Variants in ARMC2 observed in about 807,000 individuals in gnomAD.
ARMC2 encodes the protein armadillo repeat containing 2, also known as armadillo repeat-containing protein 2.
A neutral mutation model predicts 90.3 loss-of-function variants in ARMC2; 67 were observed. That is an observed-to-expected ratio of 0.74 (90% CI 0.61 to 0.91). The LOEUF (loss-of-function observed/expected upper bound fraction) is 0.91. ARMC2 is among the 40% of genes least tolerant of loss of function. The pLI, the probability that ARMC2 is intolerant of heterozygous loss-of-function variation, is 0.00. For synonymous variants in ARMC2, 393 were observed against 393.0 expected (o/e 1.00, Z 0.00); for missense variants, 920 against 1,030.9 (o/e 0.89, Z 1.47).
intron 2 of ARMC2, among the ~76,000 whole-genome samples, chr6:108,854,719 G>T (rs963496001): frequency 6.6e-6 from 1 of 152,118 alleles, no homozygotes; most frequent in Non-Finnish European, 1.5e-5. Context: ...GGTTACCATC[G>T]ACGAACATAC....
the ARMC2 span, among the ~76,000 whole-genome samples, chr6:109,048,825 C>T: frequency 6.6e-6 from 1 of 152,174 alleles, no homozygotes; most frequent in African/African-American, 2.4e-5. Context: ...TCTATGTGTT[C>T]CTGCATACCC....
chr6:108,877,662 T>C (rs1273365548), intron 5 of ARMC2, among the ~76,000 whole-genome samples: 1 of 152,206 alleles, frequency 6.6e-6, no homozygotes, highest in Non-Finnish European at 1.5e-5. Context: ...AAAGGAAACA[T>C]TTATCTTGCT....
intron 5 of ARMC2, among the ~76,000 whole-genome samples, chr6:108,888,364 C>T (rs1198132622): frequency 1.3e-5 from 2 of 152,160 alleles, no homozygotes; most frequent in Non-Finnish European, 2.9e-5. Flanking sequence ...TTTACCACAC[C>T]TTTCTACAGA....
At chr6:108,881,924 T>G (rs897628030) in intron 5 of ARMC2, among the ~76,000 whole-genome samples, 6 of 152,150 alleles carry the variant, frequency 3.9e-5, no homozygotes, top group Admixed American at 6.5e-5. Context: ...TATGGATCCT[T>G]ATTCAGCGTT....
the ARMC2 span, among the ~76,000 whole-genome samples, chr6:109,046,963 C>CCTCACTTCTCACTAGGAAGTGAGGAG: frequency 9.1e-6 from 1 of 109,540 alleles, no homozygotes; most frequent in Non-Finnish European, 1.9e-5. Flanking sequence ...GCGTCTCCAC[C>CCTCACTTCTCACTAGGAAGTGAGGAG]CGGCAGCCAC....
At chr6:109,050,293 C>T in the ARMC2 span, among the ~76,000 whole-genome samples, 2 of 151,568 alleles carry the variant, frequency 1.3e-5, no homozygotes, top group Non-Finnish European at 2.9e-5. Context: ...TCTGCAACAG[C>T]GCCATTAAGT....
intron 6 of ARMC2, among the ~76,000 whole-genome samples, chr6:108,896,120 C>T (rs1771591671): frequency 6.6e-6 from 1 of 152,224 alleles, no homozygotes; most frequent in Non-Finnish European, 1.5e-5. Flanking sequence ...CTTAGATATA[C>T]TAATTTCTGA....
chr6:109,047,395 C>A, the ARMC2 span, among the ~76,000 whole-genome samples: 1 of 130,280 alleles, frequency 7.7e-6, no homozygotes, highest in Admixed American at 7.2e-5. Flanking sequence ...AGGTGAGGGG[C>A]GCCTCTGCCC....
At chr6:108,963,900 T>C (rs564456571) in intron 15 of ARMC2, among the ~76,000 whole-genome samples, 2 of 152,206 alleles carry the variant, frequency 1.3e-5, no homozygotes, top group Non-Finnish European at 2.9e-5. Flanking sequence ...GCTCCCTCCT[T>C]TCCACCAGCT....
rs1384507962 is a variant in ARMC2, at chr6:108,961,997, C to T, written c.2039-17C>T. 3.9e-6 allele frequency: 6 copies of T among 1,544,952 alleles called. No individual in the cohort carries two copies. The highest frequency in any genetic ancestry group is 2.3e-5 in the East Asian group (1 of 44,424). ...ACTTAAATTCACTGATTTAATTTCTCTGGTCGCCAAATCCAGTGCTCTTAA... is the reference window on the plus strand; with the variant it reads ...ACTTAAATTCACTGATTTAATTTCTTTGGTCGCCAAATCCAGTGCTCTTAA... On this transcript the variant is annotated splice_polypyrimidine_tract_variant and intron_variant, in intron 14 of 17. Transcript: ENST00000392644.
intron 13 of ARMC2, among the ~76,000 whole-genome samples, chr6:108,954,123 C>G (rs192761342): frequency 3.3e-5 from 5 of 152,306 alleles, no homozygotes; most frequent in Admixed American, 2.0e-4. Flanking sequence ...TAGGACCCTA[C>G]CCTTATGGGC....
chr6:108,886,761 C>A (rs1770396709), intron 5 of ARMC2, among the ~76,000 whole-genome samples: 1 of 152,068 alleles, frequency 6.6e-6, no homozygotes, highest in Non-Finnish European at 1.5e-5. Context: ...ACTTGGCCCA[C>A]AAAGTGTGCA....
intron 10 of ARMC2, among the ~76,000 whole-genome samples, chr6:108,926,520 T>G (rs1319144260): frequency 1.3e-5 from 2 of 152,032 alleles, no homozygotes; most frequent in African/African-American, 4.8e-5. Flanking sequence ...AGGCCAGGAG[T>G]TTGAGACCAG....
chr6:108,849,745 ATCATTTAAT>A (rs1446567461), intron 1 of ARMC2, among the ~76,000 whole-genome samples: 1 of 152,256 alleles, frequency 6.6e-6, no homozygotes, highest in Non-Finnish European at 1.5e-5. Context: ...CATGTATTAT[ATCATTTAAT>A]TCTTCAAACA....
chr6:109,023,045 C>T, the ARMC2 span, among the ~76,000 whole-genome samples: 1 of 152,220 alleles, frequency 6.6e-6, no homozygotes, highest in African/African-American at 2.4e-5. Context: ...GCTCACTCCA[C>T]CCTCTGTGAC....
chr6:108,996,507 C>CTTAAA, the ARMC2 span, among the ~76,000 whole-genome samples: 12 of 152,042 alleles, frequency 7.9e-5, no homozygotes, highest in African/African-American at 2.7e-4. Context: ...TTTACCTATT[C>CTTAAA]TCCTCTTAAA....
intron 10 of ARMC2, among the ~76,000 whole-genome samples, chr6:108,922,312 G>T (rs530106519): frequency 6.6e-6 from 1 of 152,052 alleles, no homozygotes; most frequent in African/African-American, 2.4e-5. Context: ...TGTCACTCAG[G>T]TTGGAGTGCG....
At chr6:108,872,029 A>G (rs1401857828) in intron 4 of ARMC2, among the ~76,000 whole-genome samples, 1 of 152,212 alleles carries the variant, frequency 6.6e-6, no homozygotes, top group Non-Finnish European at 1.5e-5. Flanking sequence ...AATCATTGTC[A>G]TTTGTATAAG....
At position 108,854,215 on chromosome 6, in the gene ARMC2, G is replaced by A; in HGVS notation, c.-43-10G>A. On this transcript the variant is annotated splice_polypyrimidine_tract_variant and intron_variant, in intron 1 of 17. Coordinates refer to ENST00000392644, the MANE Select transcript of ARMC2 (RefSeq NM_032131.6). The stretch of plus-strand genomic sequence containing the variant: ...AAAATAATGATGGTTTTTGTACCAT[G>A]TATTTGCAGGGTGTGGTGTCTATCT... 7.3e-7 allele frequency: 1 copy of A among 1,366,280 alleles called. No individual in the cohort carries two copies. Among genetic ancestry groups the A allele is most frequent in the Non-Finnish European group, 1.0e-6 (1 of 984,008 alleles). 84.6% of individuals were successfully genotyped at this position (1,366,280 alleles called of 1,614,324 possible). A position where few individuals can be genotyped will look rare whatever the true frequency, so the allele number is the denominator to read the frequency against.
Sources: gnomAD v4.1 joint callset for allele counts (sites outside exome capture counted in the v4.1 genomes callset) on GRCh38, gnomAD v4.1.1 for gene constraint, MANE v1.5 for transcripts, NCBI Gene and HGNC (gene_info 2026-07-23, HGNC 2026-07-21) for gene names.